The following BCL2L11 variants were observed in gnomAD, a reference collection of about 807,000 sequenced individuals.
The protein encoded by BCL2L11 is bcl-2-like protein 11.
A neutral mutation model predicts 20.6 loss-of-function variants in BCL2L11; 15 were observed. The ratio of observed to expected loss-of-function variants is 0.73; its 90% CI spans 0.49 to 1.12. BCL2L11 has a LOEUF of 1.12. BCL2L11 is among the 50% of genes most tolerant of loss of function. The pLI is 0.00. For missense variants in BCL2L11, 292 were observed against 260.9 expected, an observed-to-expected ratio of 1.12 and a Z score of -0.82; for synonymous variants, 108 against 92.8, an observed-to-expected ratio of 1.16 and a Z score of -0.94.
chr2:111,144,564 C>T (rs2076257379), intron 2 of BCL2L11: 1 of 1,535,440 alleles, frequency 6.5e-7, no homozygotes, highest in Non-Finnish European at 8.8e-7. Context: ...CTGTTGCTTC[C>T]CTCCTCTTGT....
chr2:111,132,128 T>C (rs1389726264), intron 2 of BCL2L11: 1 of 152,186 alleles, frequency 6.6e-6, no homozygotes, highest in African/African-American at 2.4e-5. Flanking sequence ...GTGCTTCATT[T>C]TGTATAGCTT....
rs2078983512 is a variant in BCL2L11 at position 111,165,631 on chromosome 2, C to G, written c.*1400C>G. The G allele has an allele frequency of 6.6e-6, 1 of 152,214 alleles. No individual in the cohort carries two copies. Among genetic ancestry groups the G allele is most frequent in the Admixed American group, 6.5e-5 (1 of 15,280 alleles). 9.4% of individuals were successfully genotyped at this position (152,214 alleles called of 1,614,324 possible). On this transcript the variant is annotated 3_prime_UTR_variant, in exon 4 of 4. Transcript: ENST00000393256. ...GAGTGCAGTGGAAGGAAGCCACACA[C>G]TGGTCAGTCATTTCAGAGGCAGCAG...
chr2:111,162,501 A>C (rs547803729), intron 3 of BCL2L11, among the ~76,000 whole-genome samples: 3 of 152,226 alleles, frequency 2.0e-5, no homozygotes, highest in Non-Finnish European at 4.4e-5. Flanking sequence ...GGTGACTTCT[A>C]CTTAAGCTTG....
Position 111,120,979 on chromosome 2 carries a change from T to TGCCGCTGCCGCCGCC in BCL2L11, c.-218_-217insTGCCGCCGCCGCCGC, listed in dbSNP as rs1465879075. ...GCTCTGCGTCCAGCGCCGCTGCCGC[T>TGCCGCTGCCGCCGCC]GCCGCCGCCGCCGCCGCCGCCGCCG... On this transcript the variant is annotated 5_prime_UTR_variant, in exon 1 of 4. Transcript: ENST00000393256. 2.4e-3 allele frequency: 791 copies of TGCCGCTGCCGCCGCC among 336,176 alleles called. 8 individuals are homozygous for TGCCGCTGCCGCCGCC. Among genetic ancestry groups the TGCCGCTGCCGCCGCC allele is most frequent in the African/African-American group, 0.015 (653 of 42,834 alleles). The allele number at this position is 336,176 out of a possible 1,614,324, so 20.8% of individuals were successfully genotyped here. A position where few individuals can be genotyped will look rare whatever the true frequency, so the allele number is the denominator to read the frequency against.
intron 3 of BCL2L11, among the ~76,000 whole-genome samples, chr2:111,153,363 C>G (rs1398556689): frequency 1.3e-5 from 2 of 151,808 alleles, no homozygotes; most frequent in African/African-American, 2.4e-5. Flanking sequence ...TCCACAAGAG[C>G]GAAACTCCAT....
chr2:111,161,831 C>G lies in BCL2L11; in HGVS notation c.499-2302C>G, dbSNP rs1219276835. On this transcript the variant is annotated intron_variant, in intron 3 of 3. Transcript: ENST00000393256. ...CTCCCTCCTGACCCTTTATACCACC[C>G]CAAAACCAAAGGCCCTGGTTTAGGA... Among the ~76,000 whole-genome samples the G allele has an allele frequency of 3.3e-5, 5 of 152,186 alleles. No homozygotes were observed. In the East Asian group the frequency reaches 9.6e-4, roughly 29 times the overall value.
chr2:111,162,295 T>G (rs1351404744), intron 3 of BCL2L11, among the ~76,000 whole-genome samples: 1 of 152,236 alleles, frequency 6.6e-6, no homozygotes, highest in Non-Finnish European at 1.5e-5. Flanking sequence ...GCCCGCCGTC[T>G]GAGAGGGCAG....
chr2:111,142,997 G>A (rs191334404), intron 2 of BCL2L11, among the ~76,000 whole-genome samples: 51 of 152,264 alleles, frequency 3.3e-4, no homozygotes, highest in African/African-American at 1.2e-3. Context: ...GAAATAAATT[G>A]GGTAGTTTAC....
chr2:111,124,809 C>G (rs1356234194), intron 2 of BCL2L11, among the ~76,000 whole-genome samples: 4 of 152,172 alleles, frequency 2.6e-5, no homozygotes, highest in African/African-American at 9.7e-5. Flanking sequence ...GAAAATAACA[C>G]TTTTAAAAAA....
At chr2:111,159,373 C>T (rs2078286610) in intron 3 of BCL2L11, among the ~76,000 whole-genome samples, 2 of 152,206 alleles carry the variant, frequency 1.3e-5, no homozygotes, top group Admixed American at 6.5e-5. Flanking sequence ...GTTGTGGGGA[C>T]TGAAAAGCAT....
intron 1 of BCL2L11, 28 bp downstream of exon 1, chr2:111,121,216 G>A: frequency 4.6e-6 from 1 of 215,506 alleles, no homozygotes; most frequent in African/African-American, 2.3e-5. Context: ...CCGGGGCGCG[G>A]GCCTGGCACC....
intron 3 of BCL2L11, among the ~76,000 whole-genome samples, chr2:111,162,292 G>A (rs916465938): frequency 3.9e-5 from 6 of 152,218 alleles, no homozygotes; most frequent in Non-Finnish European, 7.3e-5. Flanking sequence ...CATGCCCGCC[G>A]TCTGAGAGGG....
intron 2 of BCL2L11, chr2:111,144,375 T>C: frequency 1.7e-6 from 2 of 1,154,208 alleles, no homozygotes; most frequent in Non-Finnish European, 2.5e-6. Context: ...GTGTGTGTTG[T>C]TGGTTACTTG....
At chr2:111,123,263 C>A (rs1388036294) in intron 1 of BCL2L11, 2 of 985,398 alleles carry the variant, frequency 2.0e-6, no homozygotes, top group African/African-American at 1.7e-5. Flanking sequence ...CCCAGACTTG[C>A]TGCCCTCAGC....
chr2:111,161,718 A>T (rs536953685), intron 3 of BCL2L11, among the ~76,000 whole-genome samples: 9 of 152,096 alleles, frequency 5.9e-5, no homozygotes, highest in Admixed American at 5.2e-4. Context: ...TGGATGTGCT[A>T]CCCTGGCCAG....
intron 1 of BCL2L11, chr2:111,122,597 G>C (rs1376065458): frequency 3.0e-6 from 3 of 984,256 alleles, no homozygotes; most frequent in South Asian, 9.1e-5. Flanking sequence ...CGGGGAGGTC[G>C]GCGGTGCCGG....
intron 2 of BCL2L11, among the ~76,000 whole-genome samples, chr2:111,135,728 C>G (rs2150357812): frequency 6.6e-6 from 1 of 152,260 alleles, no homozygotes; most frequent in South Asian, 2.1e-4. Flanking sequence ...GCCCATGAAC[C>G]CTGTTTTGCA....
intron 1 of BCL2L11, chr2:111,122,975 G>A: frequency 1.0e-6 from 1 of 985,482 alleles, no homozygotes; most frequent in Non-Finnish European, 1.2e-6. Context: ...GGATGAAGGC[G>A]GCGCGGCGCG....
At chr2:111,128,665 T>C in intron 2 of BCL2L11, 1 of 1,549,136 alleles carries the variant, frequency 6.5e-7, no homozygotes. Flanking sequence ...TTCACTGTGC[T>C]TTGGATTTAT....
Sources: allele counts gnomAD v4.1 joint callset (sites outside exome capture counted in the v4.1 genomes callset), GRCh38; gene constraint gnomAD v4.1.1; transcripts MANE v1.5; gene names NCBI Gene and HGNC (gene_info 2026-07-23, HGNC 2026-07-21).